The following CSNK1G3 variants were observed in gnomAD, a reference collection of about 807,000 sequenced individuals.
CSNK1G3 encodes the protein casein kinase 1 gamma 3, also known as casein kinase I isoform gamma-3.
Under a neutral mutation model 64.3 loss-of-function variants are expected in CSNK1G3, and 23 were observed. That is an observed-to-expected ratio of 0.36 (90% CI 0.26 to 0.51). CSNK1G3 has a LOEUF of 0.51. Ranked by LOEUF, CSNK1G3 falls within the 20% of genes least tolerant of loss-of-function variation. The pLI is 0.96. For missense variants in CSNK1G3, 357 were observed against 510.5 expected (o/e 0.70, Z 2.90); for synonymous variants, 158 against 162.2 (o/e 0.97, Z 0.20).
chr5:123,581,123 T>G (rs1206985454), intron 6 of CSNK1G3, among the ~76,000 whole-genome samples: 2 of 151,794 alleles, frequency 1.3e-5, no homozygotes, highest in Non-Finnish European at 2.9e-5. Context: ...TATTTACATT[T>G]TATAATTATA....
At chr5:123,606,774 A>G (rs1021391491) in intron 12 of CSNK1G3, among the ~76,000 whole-genome samples, 1 of 152,154 alleles carries the variant, frequency 6.6e-6, no homozygotes, top group Non-Finnish European at 1.5e-5. Context: ...CTTGCTTTTA[A>G]TAAAATCTAT....
At chr5:123,522,522 A>G (rs1157687807) in intron 1 of CSNK1G3, among the ~76,000 whole-genome samples, 1 of 152,024 alleles carries the variant, frequency 6.6e-6, no homozygotes, top group African/African-American at 2.4e-5. Flanking sequence ...AAAGAAAAAA[A>G]AAATCTGAGG....
chr5:123,549,801 C>T lies in CSNK1G3; in HGVS notation c.179-3306C>T, dbSNP rs147616728. 2.2e-4 allele frequency among the ~76,000 whole-genome samples: 33 copies of T among 152,290 alleles called. No homozygotes were observed. In the East Asian group the frequency reaches 4.6e-3, roughly 21 times the overall value. On this transcript the variant is annotated intron_variant, in intron 2 of 12. Transcript: ENST00000345990. Reference sequence around the variant, plus strand: ...GACTTTCCTTTGTGCTCTGTGGCCACATCTGTCTATCATAAAAGAGCACAG... The same window carrying T: ...GACTTTCCTTTGTGCTCTGTGGCCATATCTGTCTATCATAAAAGAGCACAG...
Position 123,588,417 on chromosome 5 carries a change from TC to T in CSNK1G3, c.760-9del. 1 of 1,601,100 alleles carries T rather than the reference TC, an allele frequency of 6.2e-7. No individual in the cohort carries two copies. The highest frequency in any genetic ancestry group is 8.6e-7 in the Non-Finnish European group (1 of 1,168,442). On this transcript the variant is annotated splice_polypyrimidine_tract_variant and intron_variant, in intron 7 of 12. Transcript: ENST00000345990. The stretch of plus-strand genomic sequence containing the variant: ...TACCACATTCTCAAGATTTTTTTTT[TC>T]TGTTTTAGGCTGACACATTAAAGGA...
chr5:123,559,427 C>G (rs1785251330), intron 4 of CSNK1G3, among the ~76,000 whole-genome samples: 3 of 152,224 alleles, frequency 2.0e-5, no homozygotes, highest in Admixed American at 1.3e-4. Flanking sequence ...TATTTAAAAA[C>G]TATGTCAGAG....
intron 4 of CSNK1G3, among the ~76,000 whole-genome samples, chr5:123,569,908 C>G (rs1394950258): frequency 1.3e-5 from 2 of 152,156 alleles, no homozygotes; most frequent in Non-Finnish European, 2.9e-5. Flanking sequence ...TAGAAACCTT[C>G]TATTCCAAAT....
At chr5:123,574,198 C>G (rs1400589695) in intron 5 of CSNK1G3, among the ~76,000 whole-genome samples, 1 of 152,106 alleles carries the variant, frequency 6.6e-6, no homozygotes, top group Non-Finnish European at 1.5e-5. Flanking sequence ...CCTGGAAAAA[C>G]AAGAGGCAGA....
intron 4 of CSNK1G3, among the ~76,000 whole-genome samples, chr5:123,562,426 T>G (rs1785936928): frequency 6.6e-6 from 1 of 152,254 alleles, no homozygotes; most frequent in Non-Finnish European, 1.5e-5. Context: ...TGATTGGCAC[T>G]TGTAGGTTCT....
intron 2 of CSNK1G3, among the ~76,000 whole-genome samples, chr5:123,546,232 T>G (rs1782492198): frequency 6.6e-6 from 1 of 152,136 alleles, no homozygotes; most frequent in South Asian, 2.1e-4. Context: ...TAAAGTCAAG[T>G]TAATATACTG....
intron 1 of CSNK1G3, among the ~76,000 whole-genome samples, chr5:123,521,682 G>C (rs755393223): frequency 2.1e-3 from 314 of 152,152 alleles, no homozygotes; most frequent in Middle Eastern, 3.4e-3. Context: ...TTTTTCTTCT[G>C]TGACAGAGTA....
In CSNK1G3 at chr5:123,582,476, C is replaced by G. The variant is rs148557501; in HGVS notation, c.674-5592C>G. ...AGTATATATGAAACATGGACACAGA[C>G]TCTTAATACGTGTTGATTATTTTTT... is the stretch of plus-strand genomic sequence containing the variant. On this transcript the variant is annotated intron_variant, in intron 6 of 12. Transcript: ENST00000345990. 2.5e-3 allele frequency among the ~76,000 whole-genome samples: 388 copies of G among 152,232 alleles called. 1 individual carries two copies. The highest frequency in any genetic ancestry group is 8.3e-3 in the African/African-American group (347 of 41,558).
At chr5:123,597,929 C>T (rs1793737778) in intron 10 of CSNK1G3, among the ~76,000 whole-genome samples, 1 of 152,100 alleles carries the variant, frequency 6.6e-6, no homozygotes. Flanking sequence ...ATTGTTTTTG[C>T]AAATTAAGAA....
At chr5:123,562,340 G>T (rs904984104) in intron 4 of CSNK1G3, among the ~76,000 whole-genome samples, 5 of 151,944 alleles carry the variant, frequency 3.3e-5, no homozygotes, top group African/African-American at 1.2e-4. Context: ...GTCTATGTCT[G>T]TCTTCTCCAC....
At chr5:123,564,076 T>A (rs143814157) in intron 4 of CSNK1G3, among the ~76,000 whole-genome samples, 9 of 152,184 alleles carry the variant, frequency 5.9e-5, no homozygotes, top group African/African-American at 2.2e-4. Flanking sequence ...TCTACAAGTT[T>A]TACACTGCTA....
At chr5:123,601,587 C>T (rs1794510653) in intron 10 of CSNK1G3, among the ~76,000 whole-genome samples, 2 of 152,294 alleles carry the variant, frequency 1.3e-5, no homozygotes, top group Middle Eastern at 3.4e-3. Context: ...TATAAAAAGT[C>T]TTCCTCTGTG....
At chr5:123,592,291 A>G (rs1338118572) in intron 10 of CSNK1G3, among the ~76,000 whole-genome samples, 1 of 152,030 alleles carries the variant, frequency 6.6e-6, no homozygotes, top group Admixed American at 6.6e-5. Flanking sequence ...AAGCGGTTCA[A>G]ATTTGTTTGG....
chr5:123,600,209 A>G (rs1334088813), intron 10 of CSNK1G3, among the ~76,000 whole-genome samples: 3 of 152,350 alleles, frequency 2.0e-5, no homozygotes, highest in Middle Eastern at 3.4e-3. Flanking sequence ...AATAAAATAT[A>G]TAATGTTTTA....
chr5:123,526,173 G>A (rs756563723), intron 1 of CSNK1G3, among the ~76,000 whole-genome samples: 1 of 151,794 alleles, frequency 6.6e-6, no homozygotes, highest in Non-Finnish European at 1.5e-5. Context: ...ACATTGCCAG[G>A]ACTACAAGCA....
chr5:123,554,184 G>A (rs897277340), intron 3 of CSNK1G3, among the ~76,000 whole-genome samples: 30 of 152,292 alleles, frequency 2.0e-4, no homozygotes, highest in African/African-American at 6.3e-4. Flanking sequence ...ATAAAGATGT[G>A]GAGTAGGGTT....
Sources: gnomAD v4.1 joint callset for allele counts (sites outside exome capture counted in the v4.1 genomes callset) on GRCh38, gnomAD v4.1.1 for gene constraint, MANE v1.5 for transcripts, NCBI Gene and HGNC (gene_info 2026-07-23, HGNC 2026-07-21) for gene names.